FOXR1: variants seen among roughly 807,000 people sequenced by gnomAD.
The protein encoded by FOXR1 is forkhead box protein R1.
Under a neutral mutation model 34.5 loss-of-function variants are expected in FOXR1, and 25 were observed. The ratio of observed to expected loss-of-function variants is 0.72; its 90% CI spans 0.53 to 1.01. FOXR1 has a LOEUF of 1.01. Among genes scored for constraint, FOXR1 ranks in the 50% least tolerant of loss-of-function variants. The pLI is 0.00. For synonymous variants in FOXR1, 153 were observed against 141.6 expected (o/e 1.08, Z -0.57); for missense variants, 373 against 376.2 (o/e 0.99, Z 0.07).
chr11:118,979,741 C>G, intron 4 of FOXR1, 73 bp downstream of exon 4: 1 of 1,380,192 alleles, frequency 7.2e-7, no homozygotes, highest in Non-Finnish European at 9.8e-7. Context: ...CCAATCCATC[C>G]CAGGCCCTGG....
chr11:118,980,239 GC>G (rs1229268673), intron 4 of FOXR1: 1 of 665,714 alleles, frequency 1.5e-6, no homozygotes, highest in Non-Finnish European at 2.8e-6. Context: ...GAGCTGCTTG[GC>G]CTGATTCTGC....
At chr11:118,976,639 A>C (rs963703757) in intron 1 of FOXR1, among the ~76,000 whole-genome samples, 1 of 152,242 alleles carries the variant, frequency 6.6e-6, no homozygotes, top group African/African-American at 2.4e-5. Flanking sequence ...AGGAGCAGAC[A>C]GTAAGGTCGA....
intron 1 of FOXR1, 70 bp downstream of exon 1, chr11:118,972,062 C>T (rs1941711692): frequency 3.1e-6 from 4 of 1,272,962 alleles, no homozygotes; most frequent in Non-Finnish European, 3.1e-6. Context: ...CGCGGGACCC[C>T]GGGGCAGACG....
intron 5 of FOXR1, 65 bp downstream of exon 5, chr11:118,980,793 G>A (rs1941851710): frequency 6.7e-7 from 1 of 1,484,486 alleles, no homozygotes; most frequent in Non-Finnish European, 9.1e-7. Context: ...CCAAGGCCAA[G>A]TGTGGAAGCC....
Position 118,978,817 on chromosome 11 carries a change from A to G in FOXR1, c.97A>G (p.Lys33Glu). 1.9e-6 allele frequency: 3 copies of G among 1,614,158 alleles called. No individual in the cohort carries two copies. Among genetic ancestry groups the G allele is most frequent in the Non-Finnish European group, 1.7e-6 (2 of 1,180,036 alleles). The change falls in exon 2 of 6, where the codon AAA (lysine) becomes GAA (glutamate). Residue 33 changes from lysine (K) to glutamate (E), a missense_variant. By Grantham distance (56) the Lys-to-Glu change is moderately conservative (BLOSUM62 1). Coordinates refer to ENST00000317011, the MANE Select transcript of FOXR1 (RefSeq NM_181721.3). ...TAAACTCCGAATTGTTAAGCCACCA[A>G]AATTACCCCTAGAGAAAAAACCCAA... ...RYKLRIVKPP[K>E]LPLEKKPNPD...
At chr11:118,980,937 A>G (rs570666527) in intron 5 of FOXR1, among the ~76,000 whole-genome samples, 1 of 152,326 alleles carries the variant, frequency 6.6e-6, no homozygotes, top group South Asian at 2.1e-4. Context: ...TGTGCCAGGA[A>G]TCCATGGGCA....
intron 4 of FOXR1, among the ~76,000 whole-genome samples, chr11:118,979,918 C>T (rs1941833099): frequency 6.6e-6 from 1 of 151,920 alleles, no homozygotes; most frequent in Non-Finnish European, 1.5e-5. Context: ...TCCTTTAAAA[C>T]ATACATTCAC....
intron 1 of FOXR1, among the ~76,000 whole-genome samples, chr11:118,974,234 A>T (rs1941751917): frequency 6.6e-6 from 1 of 152,142 alleles, no homozygotes; most frequent in African/African-American, 2.4e-5. Flanking sequence ...ATTGATTGTA[A>T]GGTTTTGTTT....
At chr11:118,980,155 TAGG>T in intron 4 of FOXR1, 3 of 534,712 alleles carry the variant, frequency 5.6e-6, no homozygotes, top group Admixed American at 4.5e-5. Flanking sequence ...TTCCCAGTGT[TAGG>T]AGAAGTGCCT....
chr11:118,978,549 G>A (rs1044548955), intron 1 of FOXR1, among the ~76,000 whole-genome samples: 2 of 152,120 alleles, frequency 1.3e-5, no homozygotes, highest in Admixed American at 6.5e-5. Context: ...CTGAAGCCAC[G>A]GACATGCATG....
intron 5 of FOXR1, 97 bp downstream of exon 5, chr11:118,980,825 G>T: frequency 8.6e-7 from 1 of 1,157,594 alleles, no homozygotes; most frequent in Non-Finnish European, 1.2e-6. Context: ...GTGGGGGTGG[G>T]GGAATGCATC....
At chr11:118,980,302 A>AG (rs1941838529) in intron 4 of FOXR1, 188 bp from the exon 5 acceptor site, 1 of 719,132 alleles carries the variant, frequency 1.4e-6, no homozygotes, top group African/African-American at 1.7e-5. Flanking sequence ...GGGAGGGTTC[A>AG]GGTGAGCCAC....
chr11:118,979,587 A>C lies in FOXR1; in HGVS notation c.530A>C (p.Asn177Thr). The C allele has an allele frequency of 6.2e-7, 1 of 1,612,438 alleles. No individual in the cohort carries two copies. The highest frequency in any genetic ancestry group is 2.2e-5 in the East Asian group (1 of 44,726). The change falls in exon 4 of 6, where the codon AAT becomes ACT. Residue 177 changes from asparagine to threonine, a missense_variant. Transcript: ENST00000317011. ...AGGCTCTGGTCCCGGCCCCCTCTCA[A>C]TTACTTCCACCTAATTGCCCTGGCA... ...AGRLWSRPPL[N>T]YFHLIALALR... is the part of the protein sequence containing the mutation.
At position 118,979,610 on chromosome 11, in the gene FOXR1, G is replaced by A; in HGVS notation, c.553G>A (p.Ala185Thr). The A allele has an allele frequency of 6.2e-7, 1 of 1,612,416 alleles. No homozygotes were observed. The highest frequency in any genetic ancestry group is 8.5e-7 in the Non-Finnish European group (1 of 1,179,286). ...PLNYFHLIALALRNSSPCGLN... is the reference protein window; with the variant it reads ...PLNYFHLIALTLRNSSPCGLN... ...CAATTACTTCCACCTAATTGCCCTG[G>A]CATTAAGAAACAGTTCCCCCTGTGG... is the stretch of plus-strand genomic sequence containing the variant. The change falls in exon 4 of 6, where the codon GCA (alanine) becomes ACA (threonine). Residue 185 changes from alanine to threonine, a missense_variant. Transcript: ENST00000317011.
intron 1 of FOXR1, 104 bp downstream of exon 1, chr11:118,972,096 T>A (rs1211156864): frequency 7.7e-6 from 7 of 914,812 alleles, no homozygotes; most frequent in African/African-American, 4.0e-5. Flanking sequence ...CGCCCCCACC[T>A]CCCGGGGAGG....
chr11:118,980,440 C>T (rs1941840880), intron 4 of FOXR1, 50 bp from the exon 5 acceptor site: 1 of 1,589,002 alleles, frequency 6.3e-7, no homozygotes, highest in Admixed American at 1.7e-5. Context: ...CAGAGAAGGG[C>T]ATTCCCCAGA....
chr11:118,980,202 C>T lies in FOXR1; in HGVS notation c.612-288C>T, dbSNP rs7119620. On this transcript the variant is annotated intron_variant, in intron 4 of 5. Transcript: ENST00000317011. ...AGGACAGGAATTTTCAAGTGGTGTC[C>T]GTCCTCAACCAAGATTCCTCTTACA... 4,745 of 614,644 alleles carry T rather than the reference C, an allele frequency of 7.7e-3. 167 individuals carry two copies. Among genetic ancestry groups the T allele is most frequent in the African/African-American group, 0.076 (4,207 of 55,526 alleles). 38.1% of individuals were successfully genotyped at this position (614,644 alleles called of 1,614,324 possible).
chr11:118,978,699 G>T, intron 1 of FOXR1, 83 bp from the exon 2 acceptor site: 2 of 1,451,376 alleles, frequency 1.4e-6, no homozygotes, highest in South Asian at 1.1e-5. Flanking sequence ...CCTTCTCCCA[G>T]AGAAGCCTTA....
intron 5 of FOXR1, 67 bp downstream of exon 5, chr11:118,980,795 G>A: frequency 6.8e-7 from 1 of 1,468,040 alleles, no homozygotes; most frequent in South Asian, 1.2e-5. Context: ...AAGGCCAAGT[G>A]TGGAAGCCTG....
Sources: allele counts gnomAD v4.1 joint callset (sites outside exome capture counted in the v4.1 genomes callset), GRCh38; gene constraint gnomAD v4.1.1; transcripts MANE v1.5; gene names NCBI Gene and HGNC (gene_info 2026-07-23, HGNC 2026-07-21).